RRAS2: variants seen among roughly 807,000 people sequenced by gnomAD.
RRAS2 encodes ras-related protein R-Ras2.
A neutral mutation model predicts 27.6 loss-of-function variants in RRAS2; 7 were observed. The observed-to-expected ratio is 0.25, with a 90% CI of 0.14 to 0.48. The LOEUF is 0.48. Among genes scored for constraint, RRAS2 ranks in the 20% least tolerant of loss-of-function variants. RRAS2 has a pLI of 0.99. For synonymous variants in RRAS2, 86 were observed against 90.9 expected (o/e 0.95, Z 0.31); for missense variants, 178 against 256.2 (o/e 0.69, Z 2.08).
At chr11:14,359,484 A>G (rs557744727), upstream of RRAS2, among the ~76,000 whole-genome samples, 85 of 152,312 alleles carry the variant, frequency 5.6e-4, 1 homozygote, top group African/African-American at 1.9e-3. Context: ...TATTAACTCA[A>G]TTTTATAGGA....
At chr11:14,331,547 T>C (rs1310696987) in intron 1 of RRAS2, among the ~76,000 whole-genome samples, 1 of 151,940 alleles carries the variant, frequency 6.6e-6, no homozygotes, top group Non-Finnish European at 1.5e-5. Flanking sequence ...TATTTTGTTA[T>C]AAGGTTCTGG....
In RRAS2 at chr11:14,359,044, T is replaced by C; in HGVS notation, c.-174A>G. 2 of 1,110,006 alleles carry C rather than the reference T, an allele frequency of 1.8e-6. No individual in the cohort carries two copies. The highest frequency in any genetic ancestry group is 1.0e-4 in the East Asian group (2 of 19,858). The allele number at this position is 1,110,006 out of a possible 1,614,324, so 68.8% of individuals were successfully genotyped here. A position where few individuals can be genotyped will look rare whatever the true frequency, so the allele number is the denominator to read the frequency against. ...AGCGCGGTAGCGCGGCGCTGGGGACTGGCTGGGTACCGCCCGAGGCGCGGA... is the reference window on the plus strand; with the variant it reads ...AGCGCGGTAGCGCGGCGCTGGGGACCGGCTGGGTACCGCCCGAGGCGCGGA... On this transcript the variant is annotated 5_prime_UTR_variant, in exon 1 of 6. Coordinates refer to ENST00000256196, the MANE Select transcript of RRAS2 (RefSeq NM_012250.6).
intron 1 of RRAS2, among the ~76,000 whole-genome samples, chr11:14,308,019 C>T (rs567719537): frequency 1.2e-4 from 19 of 152,070 alleles, no homozygotes; most frequent in Non-Finnish European, 2.6e-4. Flanking sequence ...CAATGTCATT[C>T]AGCAAATGCC....
intron 1 of RRAS2, among the ~76,000 whole-genome samples, chr11:14,353,518 T>C (rs1554955066): frequency 1.3e-5 from 2 of 151,376 alleles, no homozygotes; most frequent in African/African-American, 4.9e-5. Context: ...GAACCTAGGA[T>C]GTGGAGGCTG....
At chr11:14,281,472 T>C in intron 5 of RRAS2, 130 bp downstream of exon 5, 1 of 574,986 alleles carries the variant, frequency 1.7e-6, no homozygotes, top group South Asian at 2.9e-5. Context: ...GCCTAGAATA[T>C]GTACTTAAAA....
At chr11:14,304,188 G>T (rs1348550478) in intron 1 of RRAS2, among the ~76,000 whole-genome samples, 2 of 152,180 alleles carry the variant, frequency 1.3e-5, no homozygotes, top group Non-Finnish European at 2.9e-5. Context: ...AACTCGAGGG[G>T]ATACATGTCA....
intron 1 of RRAS2, among the ~76,000 whole-genome samples, chr11:14,336,303 C>T (rs1554952547): frequency 6.6e-6 from 1 of 151,988 alleles, no homozygotes; most frequent in Non-Finnish European, 1.5e-5. Flanking sequence ...TAAAAAAATA[C>T]AGAGCCACAC....
chr11:14,337,890 C>CTT (rs1848619334), intron 1 of RRAS2, among the ~76,000 whole-genome samples: 2 of 152,024 alleles, frequency 1.3e-5, no homozygotes, highest in Middle Eastern at 6.8e-3. Context: ...GAAGGGCCAC[C>CTT]CTAAAAGAAT....
chr11:14,294,730 A>G, intron 3 of RRAS2, 30 bp downstream of exon 3: 1 of 1,591,194 alleles, frequency 6.3e-7, no homozygotes, highest in Non-Finnish European at 8.6e-7. Context: ...TGACAAGAAC[A>G]GTGGATCTAC....
At chr11:14,288,420 T>C (rs1406954257) in intron 4 of RRAS2, among the ~76,000 whole-genome samples, 2 of 152,134 alleles carry the variant, frequency 1.3e-5, no homozygotes, top group African/African-American at 2.4e-5. Flanking sequence ...TAAGTAGAAA[T>C]AGCATTGCCA....
chr11:14,293,661 T>C (rs540286160), intron 4 of RRAS2, among the ~76,000 whole-genome samples: 93 of 152,268 alleles, frequency 6.1e-4, no homozygotes, highest in African/African-American at 2.2e-3. Flanking sequence ...TGCTCCTCCT[T>C]CGCCTTCCGC....
chr11:14,314,690 T>A (rs1554949286), intron 1 of RRAS2, among the ~76,000 whole-genome samples: 1 of 152,200 alleles, frequency 6.6e-6, no homozygotes, highest in African/African-American at 2.4e-5. Context: ...ATGGTTTTTT[T>A]GTAGTTTTTG....
intron 1 of RRAS2, among the ~76,000 whole-genome samples, chr11:14,298,358 T>A (rs1847612430): frequency 6.6e-6 from 1 of 152,244 alleles, no homozygotes; most frequent in African/African-American, 2.4e-5. Flanking sequence ...ATAGCTAGAA[T>A]TCTTTAAATG....
At chr11:14,289,209 G>C (rs1849746675) in intron 4 of RRAS2, among the ~76,000 whole-genome samples, 1 of 152,140 alleles carries the variant, frequency 6.6e-6, no homozygotes, top group African/African-American at 2.4e-5. Flanking sequence ...GATATACTTA[G>C]CTATCTATTA....
At chr11:14,351,488 A>C (rs545729182) in intron 1 of RRAS2, among the ~76,000 whole-genome samples, 1 of 152,310 alleles carries the variant, frequency 6.6e-6, no homozygotes, top group Non-Finnish European at 1.5e-5. Flanking sequence ...GCATTTTGGG[A>C]GGCCAAGGCA....
chr11:14,313,493 A>G (rs1848026116), intron 1 of RRAS2, among the ~76,000 whole-genome samples: 2 of 152,164 alleles, frequency 1.3e-5, no homozygotes, highest in Admixed American at 1.3e-4. Context: ...GATATATCCA[A>G]CTCCTAATGC....
chr11:14,346,337 G>C (rs1396981714), intron 1 of RRAS2, among the ~76,000 whole-genome samples: 6 of 152,220 alleles, frequency 3.9e-5, no homozygotes, highest in Admixed American at 1.3e-4. Context: ...CCAGACCTGA[G>C]AGTGTTTCAT....
rs1359676826 is a variant in RRAS2, at chr11:14,349,091, A to AAGT, written c.108+9669_108+9671dup. Among the ~76,000 whole-genome samples, 16 of 150,542 alleles carry AAGT rather than the reference A, an allele frequency of 1.1e-4. 2 individuals carry two copies. Among genetic ancestry groups the AAGT allele is most frequent in the South Asian group, 4.3e-4 (2 of 4,702 alleles). On this transcript the variant is annotated intron_variant, in intron 1 of 5. Transcript: ENST00000256196. ...CGCCATTCTCCTGCCTCAGCCTCCCAAGTAGCTGGGACTATAGGCACCCGC... is the reference window on the plus strand; with the variant it reads ...CGCCATTCTCCTGCCTCAGCCTCCCAAGTAGTAGCTGGGACTATAGGCACCCGC...
At chr11:14,325,611 T>A (rs1848336937) in intron 1 of RRAS2, among the ~76,000 whole-genome samples, 1 of 152,144 alleles carries the variant, frequency 6.6e-6, no homozygotes, top group African/African-American at 2.4e-5. Flanking sequence ...CTTTCAATAT[T>A]TTTATTTTAG....
Sources: allele counts gnomAD v4.1 joint callset (sites outside exome capture counted in the v4.1 genomes callset), GRCh38; gene constraint gnomAD v4.1.1; transcripts MANE v1.5; gene names NCBI Gene and HGNC (gene_info 2026-07-23, HGNC 2026-07-21).